Variants in BPTF observed in about 807,000 individuals in gnomAD.
BPTF encodes nucleosome-remodeling factor subunit BPTF.
BPTF carries 18 observed loss-of-function variants against 292.5 expected under a neutral mutation model. The observed-to-expected ratio is 0.06, with a 90% CI of 0.04 to 0.09. BPTF has a LOEUF of 0.09. Ranked by LOEUF, BPTF falls within the 10% of genes least tolerant of loss-of-function variation. The pLI is 1.00. For synonymous variants in BPTF, 1,225 were observed against 1,251.9 expected (o/e 0.98, Z 0.45); for missense variants, 2,726 against 3,498.7 (o/e 0.78, Z 5.57).
At position 67,983,315 on chromosome 17, in the gene BPTF, C is replaced by T. The variant is rs1463876497; in HGVS notation, c.*1027C>T. On this transcript the variant is annotated 3_prime_UTR_variant, in exon 28 of 28. Transcript: ENST00000306378. ...CATTCCCAGTCCATTGTCATCACGT[C>T]AGAGAAAAATCTTCAGGGGTGCTAA... 6.6e-6 allele frequency: 1 copy of T among 152,618 alleles called. No homozygotes were observed. The highest frequency in any genetic ancestry group is 1.9e-4 in the East Asian group (1 of 5,200). The allele number at this position is 152,618 out of a possible 1,614,324, so 9.5% of individuals were successfully genotyped here.
chr17:67,888,502 A>C (rs1248250984), intron 4 of BPTF, among the ~76,000 whole-genome samples: 2 of 145,980 alleles, frequency 1.4e-5, no homozygotes. Flanking sequence ...AGGCAGGAGA[A>C]TTGCTTGAAC....
rs57065333 is a variant in BPTF at position 67,953,721 on chromosome 17, G to A, written c.7926+5415G>A. The stretch of plus-strand genomic sequence containing the variant: ...CTCCCGAGTAGCTGGGATTACAGGC[G>A]TGCACCACCATGCCCAGCTAATTTT... On this transcript the variant is annotated intron_variant, in intron 23 of 27. Coordinates refer to ENST00000306378, the MANE Select transcript of BPTF (RefSeq NM_182641.4). Among the ~76,000 whole-genome samples, 964 of 151,408 alleles carry A rather than the reference G, an allele frequency of 6.4e-3. 47 individuals are homozygous for A. The East Asian group carries it at 0.14, about 22-fold the overall frequency.
chr17:67,861,879 G>A (rs1177072568), intron 2 of BPTF, among the ~76,000 whole-genome samples: 1 of 152,098 alleles, frequency 6.6e-6, no homozygotes, highest in Non-Finnish European at 1.5e-5. Flanking sequence ...ACTTCCTAGG[G>A]ATTTCTTTGC....
At chr17:67,873,229 G>A (rs1190605725) in intron 3 of BPTF, among the ~76,000 whole-genome samples, 1 of 152,104 alleles carries the variant, frequency 6.6e-6, no homozygotes, top group Non-Finnish European at 1.5e-5. Context: ...AGGCTGAGGT[G>A]GGCGGATCAC....
At chr17:67,953,986 T>C (rs1598888787) in intron 23 of BPTF, among the ~76,000 whole-genome samples, 1 of 79,740 alleles carries the variant, frequency 1.3e-5, no homozygotes, top group South Asian at 4.3e-4. Flanking sequence ...TTTTTTTTTT[T>C]TTTTTTTTTT....
At chr17:67,961,223 G>A (rs2067450896) in intron 24 of BPTF, among the ~76,000 whole-genome samples, 1 of 152,116 alleles carries the variant, frequency 6.6e-6, no homozygotes, top group Non-Finnish European at 1.5e-5. Context: ...ATAAAATGAG[G>A]CACACAGATA....
intron 7 of BPTF, among the ~76,000 whole-genome samples, chr17:67,894,528 C>G (rs2061323550): frequency 6.6e-6 from 1 of 152,106 alleles, no homozygotes; most frequent in Admixed American, 6.6e-5. Context: ...CATGGTTTCA[C>G]TGTGTTGGCT....
chr17:67,877,498 A>G (rs923105488), intron 4 of BPTF, among the ~76,000 whole-genome samples: 9 of 152,224 alleles, frequency 5.9e-5, no homozygotes, highest in African/African-American at 1.9e-4. Flanking sequence ...GATAGAAGAC[A>G]TCTTACTTGG....
intron 27 of BPTF, among the ~76,000 whole-genome samples, chr17:67,976,957 C>G (rs187811639): frequency 2.1e-4 from 32 of 152,078 alleles, no homozygotes; most frequent in Admixed American, 1.6e-3. Context: ...CTACATACAT[C>G]GCTATAAAAT....
chr17:67,964,544 G>T (rs1555685853), intron 25 of BPTF, 140 bp downstream of exon 25: 3 of 1,012,776 alleles, frequency 3.0e-6, no homozygotes, highest in Non-Finnish European at 4.2e-6. Flanking sequence ...CTAACAAACT[G>T]CAGTCCTTCA....
In BPTF at chr17:67,912,327, C is replaced by T. The variant is rs774234393; in HGVS notation, c.4443C>T (p.Ser1481=). The change falls in exon 11 of 28, where the codon TCC becomes TCT. Residue 1481 remains serine, a synonymous_variant. Coordinates refer to ENST00000306378, the MANE Select transcript of BPTF (RefSeq NM_182641.4). Reference sequence around the variant, plus strand: ...AAGATTTTAATGAAAGAAACAGCTCCGAAACAAAATCGCATTTGCTGAGTT... The same window carrying T: ...AAGATTTTAATGAAAGAAACAGCTCTGAAACAAAATCGCATTTGCTGAGTT... The part of the protein sequence containing the change: ...IMEDFNERNS[S]ETKSHLLSSS... 20 of 1,613,564 alleles carry T rather than the reference C, an allele frequency of 1.2e-5. 1 individual carries two copies. The highest frequency in any genetic ancestry group is 1.7e-5 in the Admixed American group (1 of 59,972).
At chr17:67,894,380 A>T (rs935008523) in intron 7 of BPTF, among the ~76,000 whole-genome samples, 26 of 151,888 alleles carry the variant, frequency 1.7e-4, no homozygotes, top group African/African-American at 6.0e-4. Flanking sequence ...CCAGGCTAGC[A>T]TGCAGTGGTG....
rs1386333705 is a variant in BPTF, at chr17:67,945,305, G to A, written c.6701-104G>A. On this transcript the variant is annotated intron_variant, in intron 20 of 27. Transcript: ENST00000306378. ...AAGGTGCACAGGTGTGAGCCACCAC[G>A]CCTGGCCAGAATTCTCAACTTCAGA... 19 of 1,515,742 alleles carry A rather than the reference G, an allele frequency of 1.3e-5. No homozygotes were observed. In the East Asian group the frequency reaches 3.2e-4, roughly 26 times the overall value. 93.9% of individuals were successfully genotyped at this position (1,515,742 alleles called of 1,614,324 possible).
At chr17:67,874,751 A>G (rs2059951364) in intron 3 of BPTF, 66 bp from the exon 4 acceptor site, 1 of 1,063,362 alleles carries the variant, frequency 9.4e-7, no homozygotes, top group African/African-American at 1.6e-5. Context: ...CGTAAGTGAC[A>G]TTTGTGGTAC....
chr17:67,922,902 A>T lies in BPTF; in HGVS notation c.5620A>T (p.Thr1874Ser). ...TGCACTGCGGCCAAAGAGACCAGAA[A>T]CGCCCAAGCAAACTGGCCCTGTTAT... Reference protein sequence around the residue: ...SSALRPKRPETPKQTGPVIIE... With the variant: ...SSALRPKRPESPKQTGPVIIE... Residue 1874 changes from threonine (T) to serine (S), a missense_variant, in exon 14 of 28, where the codon ACG (threonine) becomes TCG (serine). Transcript: ENST00000306378. 1 of 1,614,156 alleles carries T rather than the reference A, an allele frequency of 6.2e-7. No homozygotes were observed. The highest frequency in any genetic ancestry group is 8.5e-7 in the Non-Finnish European group (1 of 1,180,028).
chr17:67,876,147 G>A (rs755120998), intron 4 of BPTF, among the ~76,000 whole-genome samples: 2 of 152,278 alleles, frequency 1.3e-5, no homozygotes, highest in Middle Eastern at 3.4e-3. Flanking sequence ...AATATTTATA[G>A]CATTTCAAAC....
intron 18 of BPTF, among the ~76,000 whole-genome samples, chr17:67,937,548 G>C (rs2065016067): frequency 6.6e-6 from 1 of 152,186 alleles, no homozygotes; most frequent in Non-Finnish European, 1.5e-5. Flanking sequence ...TGAAGGAAAT[G>C]AGAGAGCTGT....
chr17:67,980,173 C>A (rs561780820), intron 27 of BPTF, among the ~76,000 whole-genome samples: 1 of 152,072 alleles, frequency 6.6e-6, no homozygotes, highest in African/African-American at 2.4e-5. Context: ...GGTAAAACCT[C>A]GTCTCTACTA....
chr17:67,954,322 C>T (rs1216489654), intron 23 of BPTF, among the ~76,000 whole-genome samples: 8 of 152,108 alleles, frequency 5.3e-5, no homozygotes, highest in Non-Finnish European at 7.4e-5. Context: ...CATGAGCCAC[C>T]GTACTCGGCC....
Sources: allele counts gnomAD v4.1 joint callset (sites outside exome capture counted in the v4.1 genomes callset), GRCh38; gene constraint gnomAD v4.1.1; transcripts MANE v1.5; gene names NCBI Gene and HGNC (gene_info 2026-07-23, HGNC 2026-07-21).